Variants in GLT1D1 observed in about 807,000 individuals in gnomAD.
GLT1D1 encodes the protein glycosyltransferase 1 domain containing 1, also known as glycosyltransferase 1 domain-containing protein 1.
GLT1D1 carries 21 observed loss-of-function variants against 28.7 expected under a neutral mutation model. That is an observed-to-expected ratio of 0.73 (90% CI 0.52 to 1.05). The LOEUF (loss-of-function observed/expected upper bound fraction) is 1.05, where lower values mean the gene tolerates loss of function less well. GLT1D1 is among the 50% of genes least tolerant of loss of function. The pLI is 0.00. For synonymous variants in GLT1D1, 147 were observed against 124.8 expected, an observed-to-expected ratio of 1.18 and a Z score of -1.19; for missense variants, 343 against 330.6, an observed-to-expected ratio of 1.04 and a Z score of -0.29.
chr12:128,954,919 A>T (rs1184305662), intron 6 of GLT1D1, among the ~76,000 whole-genome samples: 6 of 152,232 alleles, frequency 3.9e-5, no homozygotes, highest in African/African-American at 1.4e-4. Flanking sequence ...GAGCCACGGC[A>T]TTCCAGCCCG....
intron 4 of GLT1D1, among the ~76,000 whole-genome samples, chr12:128,927,999 CAAAAAAAAAA>C (rs938188484): frequency 4.7e-5 from 2 of 42,262 alleles, no homozygotes; most frequent in Non-Finnish European, 7.4e-5. Flanking sequence ...GACTCTGTCT[CAAAAAAAAAA>C]AAAAAAAAAA....
At chr12:128,904,141 A>G (rs1294131533) in intron 4 of GLT1D1, among the ~76,000 whole-genome samples, 1 of 151,636 alleles carries the variant, frequency 6.6e-6, no homozygotes, top group African/African-American at 2.4e-5. Context: ...TATTTACTCT[A>G]CTTCCTCCTG....
chr12:128,959,979 C>G (rs991430459), intron 7 of GLT1D1, among the ~76,000 whole-genome samples: 9 of 152,166 alleles, frequency 5.9e-5, no homozygotes, highest in Non-Finnish European at 8.8e-5. Flanking sequence ...AGAATGAGAG[C>G]TGTTTGGCTC....
At chr12:128,885,582 C>T (rs1276969968) in intron 2 of GLT1D1, among the ~76,000 whole-genome samples, 1 of 152,166 alleles carries the variant, frequency 6.6e-6, no homozygotes, top group East Asian at 1.9e-4. Flanking sequence ...CACTGAGTAG[C>T]TTGGCCAAAG....
At chr12:128,969,257 C>A (rs1256286607) in intron 7 of GLT1D1, among the ~76,000 whole-genome samples, 1 of 151,924 alleles carries the variant, frequency 6.6e-6, no homozygotes, top group Non-Finnish European at 1.5e-5. Flanking sequence ...CTACCTCTAT[C>A]TCAGTCTCTA....
chr12:128,880,298 C>T (rs1391896586), intron 2 of GLT1D1, among the ~76,000 whole-genome samples: 2 of 152,182 alleles, frequency 1.3e-5, no homozygotes, highest in Non-Finnish European at 2.9e-5. Context: ...GAGGAGCCCT[C>T]TGCAAAACCA....
At chr12:128,908,404 CTTTCTT>C (rs1566122699) in intron 4 of GLT1D1, among the ~76,000 whole-genome samples, 20 of 123,762 alleles carry the variant, frequency 1.6e-4, no homozygotes, top group African/African-American at 3.6e-4. Context: ...CTCTCTCTCT[CTTTCTT>C]TCTTTCTTTT....
chr12:128,918,258 A>G (rs911750414), intron 4 of GLT1D1, among the ~76,000 whole-genome samples: 10 of 152,196 alleles, frequency 6.6e-5, no homozygotes, highest in African/African-American at 2.4e-4. Context: ...GAGCTGAACA[A>G]TGAGAACATG....
rs532890308 is a variant in GLT1D1, at chr12:128,925,301, G to A, written c.376-20025G>A. ...CCAATCACTTAGGTGTTAAGCCCAA[G>A]CATCCATTAGCTATTCTTCCTGATG... is the stretch of plus-strand genomic sequence containing the variant. On this transcript the variant is annotated intron_variant, in intron 4 of 7. Coordinates refer to ENST00000281703, the MANE Select transcript of GLT1D1 (RefSeq NM_144669.3). 1.1e-4 allele frequency among the ~76,000 whole-genome samples: 16 copies of A among 152,284 alleles called. 1 individual carries two copies. The South Asian group carries it at 3.3e-3, about 32-fold the overall frequency.
intron 4 of GLT1D1, among the ~76,000 whole-genome samples, chr12:128,915,752 T>C (rs1872046602): frequency 1.3e-5 from 2 of 152,238 alleles, no homozygotes; most frequent in Admixed American, 1.3e-4. Context: ...CTCAACAATT[T>C]ACATGTAAAT....
intron 7 of GLT1D1, among the ~76,000 whole-genome samples, chr12:128,967,064 A>G (rs529934889): frequency 1.2e-4 from 19 of 152,342 alleles, no homozygotes; most frequent in Non-Finnish European, 1.8e-4. Context: ...CTGTGAATCT[A>G]TACACTGTCC....
At chr12:128,975,880 G>A (rs961669575) in intron 7 of GLT1D1, among the ~76,000 whole-genome samples, 5 of 152,232 alleles carry the variant, frequency 3.3e-5, no homozygotes, top group Admixed American at 1.3e-4. Flanking sequence ...TGGGTGGAAG[G>A]TTCATGCTGA....
chr12:128,910,792 A>G (rs1293166819), intron 4 of GLT1D1, among the ~76,000 whole-genome samples: 3 of 151,964 alleles, frequency 2.0e-5, no homozygotes, highest in Non-Finnish European at 4.4e-5. Context: ...AATACCACAC[A>G]TACCTGCTTG....
intron 7 of GLT1D1, among the ~76,000 whole-genome samples, chr12:128,965,632 A>ATTT (rs1301165417): frequency 1.3e-5 from 2 of 149,444 alleles, no homozygotes; most frequent in Admixed American, 6.7e-5. Context: ...AGCACTTTGG[A>ATTT]AGGCTAAGGC....
At chr12:128,966,786 A>C (rs1878497751) in intron 7 of GLT1D1, among the ~76,000 whole-genome samples, 1 of 78,076 alleles carries the variant, frequency 1.3e-5, no homozygotes, top group Admixed American at 1.7e-4. Flanking sequence ...ATAAAAAGCC[A>C]TTTTTAATTT....
At chr12:128,954,307 T>A (rs531152887) in intron 6 of GLT1D1, among the ~76,000 whole-genome samples, 2 of 139,612 alleles carry the variant, frequency 1.4e-5, no homozygotes, top group Non-Finnish European at 3.3e-5. Context: ...TTTTTTTGTA[T>A]TTTTAGTAGA....
At chr12:128,966,311 A>G (rs61946471) in intron 7 of GLT1D1, among the ~76,000 whole-genome samples, 4,161 of 152,294 alleles carry the variant, frequency 0.027, 87 homozygotes, top group Non-Finnish European at 0.044. Flanking sequence ...AGAAAGTCCA[A>G]ACTTTTTCTG....
At chr12:128,971,854 TTCCCCCCTCCC>T (rs374837916) in intron 7 of GLT1D1, among the ~76,000 whole-genome samples, 742 of 57,510 alleles carry the variant, frequency 0.013, 14 homozygotes, top group Non-Finnish European at 0.014. Flanking sequence ...CCTCTCTCCC[TTCCCCCCTCCC>T]TCCTCCCTCC....
chr12:128,869,700 C>T (rs1218587861), intron 1 of GLT1D1, among the ~76,000 whole-genome samples: 1 of 152,098 alleles, frequency 6.6e-6, no homozygotes, highest in Non-Finnish European at 1.5e-5. Context: ...TCAGCTGCCC[C>T]AGGTGGCTTT....
Sources: gnomAD v4.1 joint callset for allele counts (sites outside exome capture counted in the v4.1 genomes callset) on GRCh38, gnomAD v4.1.1 for gene constraint, MANE v1.5 for transcripts, NCBI Gene and HGNC (gene_info 2026-07-23, HGNC 2026-07-21) for gene names.